Variants in CLYBL observed in about 807,000 individuals in gnomAD.
CLYBL encodes citramalyl-CoA lyase, also known as citramalyl-CoA lyase, mitochondrial.
CLYBL carries 31 observed loss-of-function variants against 38.9 expected under a neutral mutation model. The ratio of observed to expected loss-of-function variants is 0.80; its 90% CI spans 0.60 to 1.08. The LOEUF (loss-of-function observed/expected upper bound fraction) is 1.08, where lower values mean the gene tolerates loss of function less well. Among genes scored for constraint, CLYBL ranks in the 50% least tolerant of loss-of-function variants. The probability of loss-of-function intolerance (pLI) is 0.00; values close to 1 mark genes in which losing one functional copy is unlikely to be tolerated. For missense variants in CLYBL, 434 were observed against 411.6 expected, an observed-to-expected ratio of 1.05 and a Z score of -0.47; for synonymous variants, 171 against 158.6, an observed-to-expected ratio of 1.08 and a Z score of -0.59.
intron 1 of CLYBL, among the ~76,000 whole-genome samples, chr13:99,687,989 A>G (rs1037981011): frequency 6.6e-6 from 1 of 152,224 alleles, no homozygotes; most frequent in African/African-American, 2.4e-5. Context: ...GATGGCCCTT[A>G]AAAGGTGATA....
chr13:99,609,759 G>A (rs1283168535), intron 1 of CLYBL, among the ~76,000 whole-genome samples: 2 of 152,044 alleles, frequency 1.3e-5, no homozygotes, highest in Non-Finnish European at 2.9e-5. Flanking sequence ...GGCTGGTCTC[G>A]AACTTGGCTC....
intron 9 of CLYBL, among the ~76,000 whole-genome samples, chr13:99,908,007 C>T (rs2052713991): frequency 6.6e-6 from 1 of 152,048 alleles, no homozygotes; most frequent in African/African-American, 2.4e-5. Flanking sequence ...GAACAGCACT[C>T]GGATTGGCAA....
chr13:99,620,195 G>C (rs747221897), intron 1 of CLYBL, among the ~76,000 whole-genome samples: 2 of 152,186 alleles, frequency 1.3e-5, no homozygotes, highest in Admixed American at 6.5e-5. Flanking sequence ...GAACTCAGGA[G>C]AAAGAGAAGG....
chr13:99,689,368 A>C (rs1242165619), intron 1 of CLYBL, among the ~76,000 whole-genome samples: 1 of 152,228 alleles, frequency 6.6e-6, no homozygotes, highest in African/African-American at 2.4e-5. Flanking sequence ...ATATTCTTGC[A>C]ATCACAGACA....
intron 5 of CLYBL, 47 bp from the exon 6 acceptor site, chr13:99,866,193 G>A (rs2051737696): frequency 1.9e-6 from 3 of 1,583,186 alleles, no homozygotes; most frequent in African/African-American, 1.4e-5. Flanking sequence ...TCTGGGTGCG[G>A]TTTCCAAAGT....
At chr13:99,740,330 G>A (rs771585432) in intron 1 of CLYBL, among the ~76,000 whole-genome samples, 19 of 152,208 alleles carry the variant, frequency 1.2e-4, no homozygotes, top group Non-Finnish European at 2.5e-4. Flanking sequence ...AGGCTCGAAA[G>A]TCTCATGACA....
At chr13:99,675,817 A>G (rs962231942) in intron 1 of CLYBL, among the ~76,000 whole-genome samples, 1 of 152,212 alleles carries the variant, frequency 6.6e-6, no homozygotes, top group African/African-American at 2.4e-5. Context: ...CTTTTTAGCT[A>G]TTATGAATAA....
At chr13:99,720,981 A>G (rs1025999236) in intron 1 of CLYBL, among the ~76,000 whole-genome samples, 10 of 147,842 alleles carry the variant, frequency 6.8e-5, no homozygotes, top group African/African-American at 2.5e-4. Context: ...TCCATCTCCT[A>G]CTTCTCTGTG....
At chr13:99,720,009 AC>A (rs1304453835) in intron 1 of CLYBL, among the ~76,000 whole-genome samples, 1 of 151,958 alleles carries the variant, frequency 6.6e-6, no homozygotes, top group Non-Finnish European at 1.5e-5. Flanking sequence ...TGGTTTTACT[AC>A]CATATGTTAC....
At chr13:99,652,443 C>A (rs925293868) in intron 1 of CLYBL, among the ~76,000 whole-genome samples, 1 of 152,160 alleles carries the variant, frequency 6.6e-6, no homozygotes, top group African/African-American at 2.4e-5. Flanking sequence ...AGACATGGCT[C>A]ACACCTGTAA....
At chr13:99,781,565 C>T (rs557604082) in intron 2 of CLYBL, among the ~76,000 whole-genome samples, 49 of 152,062 alleles carry the variant, frequency 3.2e-4, no homozygotes, top group African/African-American at 1.2e-3. Context: ...AACCTCTGCC[C>T]CCCGGGTTCA....
chr13:99,845,304 G>A (rs74113533), intron 2 of CLYBL, among the ~76,000 whole-genome samples: 1 of 152,210 alleles, frequency 6.6e-6, no homozygotes, highest in Non-Finnish European at 1.5e-5. Flanking sequence ...TGGGACCAAG[G>A]CCTCTGACTC....
In CLYBL at chr13:99,771,020, C is replaced by CTT. The variant is rs546998940; in HGVS notation, c.63-1774_63-1773dup. ...CAGGCGTAAGCCACCACGCGGGGCC[C>CTT]TTTTTTTTTTTTTTTTTTTTTTTTT... On this transcript the variant is annotated intron_variant, in intron 1 of 8. Transcript: ENST00000339105. 4.8e-3 allele frequency among the ~76,000 whole-genome samples: 580 copies of CTT among 120,024 alleles called. 11 individuals are homozygous for CTT. Among genetic ancestry groups the CTT allele is most frequent in the South Asian group, 0.015 (51 of 3,338 alleles). 78.7% of individuals were successfully genotyped at this position (120,024 alleles called of 152,430 possible).
chr13:99,874,714 C>G (rs778243630), intron 7 of CLYBL, among the ~76,000 whole-genome samples: 8 of 152,140 alleles, frequency 5.3e-5, no homozygotes, highest in African/African-American at 9.7e-5. Flanking sequence ...TGTATTTCCT[C>G]AAATCTATAT....
intron 2 of CLYBL, among the ~76,000 whole-genome samples, chr13:99,855,272 T>C (rs577878439): frequency 2.6e-5 from 4 of 152,270 alleles, no homozygotes; most frequent in African/African-American, 9.6e-5. Context: ...CAACCTGTAT[T>C]ACTCCTAGGA....
intron 1 of CLYBL, among the ~76,000 whole-genome samples, chr13:99,681,930 C>T (rs2047740774): frequency 6.6e-6 from 1 of 152,108 alleles, no homozygotes; most frequent in Admixed American, 6.6e-5. Flanking sequence ...TCATGTGTCA[C>T]TTAACAATGA....
At chr13:99,720,492 T>G (rs2048377525) in intron 1 of CLYBL, among the ~76,000 whole-genome samples, 1 of 152,222 alleles carries the variant, frequency 6.6e-6, no homozygotes, top group Non-Finnish European at 1.5e-5. Context: ...GATCCCACTC[T>G]TTTCTTTTGG....
At chr13:99,641,678 A>G (rs2047096786) in intron 1 of CLYBL, among the ~76,000 whole-genome samples, 1 of 151,744 alleles carries the variant, frequency 6.6e-6, no homozygotes, top group Non-Finnish European at 1.5e-5. Context: ...CAGGCATGGC[A>G]GCGTGCACCT....
At chr13:99,782,504 T>TG (rs912057693) in intron 2 of CLYBL, among the ~76,000 whole-genome samples, 1 of 151,984 alleles carries the variant, frequency 6.6e-6, no homozygotes, top group African/African-American at 2.4e-5. Flanking sequence ...GGCTCTGTCT[T>TG]GGGGGGAAAA....
Sources: gnomAD v4.1 joint callset for allele counts (sites outside exome capture counted in the v4.1 genomes callset) on GRCh38, gnomAD v4.1.1 for gene constraint, MANE v1.5 for transcripts, NCBI Gene and HGNC (gene_info 2026-07-23, HGNC 2026-07-21) for gene names.